The following PAPPA variants were observed in gnomAD, a reference collection of about 807,000 sequenced individuals.
PAPPA encodes pappalysin 1.
In PAPPA, 60 loss-of-function variants were observed where a neutral mutation model predicts 164.0. That is an observed-to-expected ratio of 0.37 (90% CI 0.30 to 0.45). The LOEUF (loss-of-function observed/expected upper bound fraction) is 0.45, where lower values mean the gene tolerates loss of function less well. Ranked by LOEUF, PAPPA falls within the 20% of genes least tolerant of loss-of-function variation. The probability of loss-of-function intolerance (pLI) is 1.00; values close to 1 mark genes in which losing one functional copy is unlikely to be tolerated. For missense variants in PAPPA, 1,782 were observed against 2,087.3 expected, an observed-to-expected ratio of 0.85 and a Z score of 2.85; for synonymous variants, 875 against 814.1, an observed-to-expected ratio of 1.07 and a Z score of -1.27.
intron 7 of PAPPA, among the ~76,000 whole-genome samples, chr9:116,257,024 G>A (rs1844936145): frequency 6.6e-6 from 1 of 151,484 alleles, no homozygotes; most frequent in Non-Finnish European, 1.5e-5. Flanking sequence ...CCACAATGCA[G>A]CACATTAACA....
At chr9:116,193,822 G>A (rs1333269927) in intron 2 of PAPPA, among the ~76,000 whole-genome samples, 2 of 152,138 alleles carry the variant, frequency 1.3e-5, no homozygotes, top group East Asian at 1.9e-4. Context: ...AGGCAAGAGG[G>A]CAGATGACTA....
chr9:116,212,733 G>A (rs577476556), intron 4 of PAPPA, among the ~76,000 whole-genome samples: 1 of 152,246 alleles, frequency 6.6e-6, no homozygotes, highest in South Asian at 2.1e-4. Context: ...AAGAAGTAAA[G>A]AAAGAAAGGG....
chr9:116,154,227 T>G lies in PAPPA; in HGVS notation c.55T>G (p.Cys19Gly), dbSNP rs1843569817. 6.9e-7 allele frequency: 1 copy of G among 1,443,028 alleles called. No homozygotes were observed. The highest frequency in any genetic ancestry group is 9.1e-7 in the Non-Finnish European group (1 of 1,094,752). 89.4% of individuals were successfully genotyped at this position (1,443,028 alleles called of 1,614,324 possible). ...GGGGCTGCTGAGCGCCGCGCTGGGCTGCGGGCTGGCCGAGCGTCCCCGCCG... is the reference window on the plus strand; with the variant it reads ...GGGGCTGCTGAGCGCCGCGCTGGGCGGCGGGCTGGCCGAGCGTCCCCGCCG... ...HLGLLSAALG[C>G]GLAERPRRAR... The change falls in exon 1 of 22, where the codon TGC becomes GGC. Residue 19 changes from cysteine (C) to glycine (G), a missense_variant. This residue lies in a region of PAPPA where 458 missense variants were observed against 430.3 expected (regional missense o/e 1.06). Coordinates refer to ENST00000328252, the MANE Select transcript of PAPPA (RefSeq NM_002581.5). The surrounding 1 kb of genome is among the most constrained non-coding windows in gnomAD (Gnocchi z 5.2).
chr9:116,254,463 G>T (rs1844896991), intron 7 of PAPPA, among the ~76,000 whole-genome samples: 1 of 152,068 alleles, frequency 6.6e-6, no homozygotes, highest in South Asian at 2.1e-4. Flanking sequence ...ACAAAATAAT[G>T]TGTGTATGTG....
chr9:116,179,314 G>A (rs978821094), intron 1 of PAPPA, among the ~76,000 whole-genome samples: 2 of 152,184 alleles, frequency 1.3e-5, no homozygotes, highest in African/African-American at 4.8e-5. Context: ...GTGCCATCAA[G>A]GGTGTTCATT....
intron 2 of PAPPA, among the ~76,000 whole-genome samples, chr9:116,191,740 G>A (rs888612938): frequency 2.6e-5 from 4 of 152,168 alleles, no homozygotes; most frequent in Non-Finnish European, 4.4e-5. Flanking sequence ...CCTGCTGAGA[G>A]GTAAAGATGC....
intron 7 of PAPPA, among the ~76,000 whole-genome samples, chr9:116,257,760 A>G (rs2118794668): frequency 6.6e-6 from 1 of 152,142 alleles, no homozygotes. Flanking sequence ...ATTATTCTTC[A>G]TCTACTGGAA....
chr9:116,296,468 G>T (rs118077048), intron 9 of PAPPA, among the ~76,000 whole-genome samples: 3 of 152,112 alleles, frequency 2.0e-5, no homozygotes, highest in South Asian at 2.1e-4. Flanking sequence ...AAATACTACC[G>T]TGAAGGACTC....
intron 8 of PAPPA, 29 bp downstream of exon 8, chr9:116,266,014 G>A: frequency 6.3e-7 from 1 of 1,581,850 alleles, no homozygotes; most frequent in Non-Finnish European, 8.7e-7. Context: ...AGAAAGAAGA[G>A]GAGGGATGCT....
intron 10 of PAPPA, among the ~76,000 whole-genome samples, chr9:116,304,499 A>G (rs1379657719): frequency 6.6e-6 from 1 of 152,252 alleles, no homozygotes. Context: ...TTTAAAAACA[A>G]CCTTCAAACA....
chr9:116,391,764 A>G (rs1588033499), intron 21 of PAPPA, among the ~76,000 whole-genome samples: 1 of 152,188 alleles, frequency 6.6e-6, no homozygotes, highest in African/African-American at 2.4e-5. Flanking sequence ...CATTTATGGG[A>G]CAGCCTAGCC....
intron 12 of PAPPA, among the ~76,000 whole-genome samples, chr9:116,333,143 A>G (rs536427899): frequency 6.6e-6 from 1 of 152,074 alleles, no homozygotes; most frequent in African/African-American, 2.4e-5. Flanking sequence ...CAGAGGAGAG[A>G]GCCTGAATCC....
intron 10 of PAPPA, among the ~76,000 whole-genome samples, chr9:116,326,596 C>T (rs979763482): frequency 1.4e-5 from 2 of 146,910 alleles, no homozygotes; most frequent in Admixed American, 6.8e-5. Context: ...AAGAGCACAC[C>T]GTGAGATCTA....
chr9:116,353,844 T>C (rs1846317097), intron 17 of PAPPA, 51 bp downstream of exon 17: 2 of 1,470,560 alleles, frequency 1.4e-6, no homozygotes, highest in South Asian at 1.2e-5. Context: ...TCCTTTCTGC[T>C]TACCAAAAAC....
chr9:116,157,299 G>A (rs760837840), intron 1 of PAPPA, among the ~76,000 whole-genome samples: 3 of 152,148 alleles, frequency 2.0e-5, no homozygotes, highest in Non-Finnish European at 4.4e-5. Context: ...ACAGGCGCTC[G>A]GAGAGACAGG....
chr9:116,372,201 G>T (rs1846584435), intron 19 of PAPPA, among the ~76,000 whole-genome samples: 1 of 152,160 alleles, frequency 6.6e-6, no homozygotes, highest in Non-Finnish European at 1.5e-5. Context: ...CAATGCTAGA[G>T]AGAAACTGCA....
At chr9:116,304,081 T>G (rs545829834) in intron 10 of PAPPA, among the ~76,000 whole-genome samples, 1 of 152,320 alleles carries the variant, frequency 6.6e-6, no homozygotes, top group Admixed American at 6.5e-5. Flanking sequence ...CACAGATAGA[T>G]GAATGGCTAG....
intron 1 of PAPPA, among the ~76,000 whole-genome samples, chr9:116,174,463 C>T (rs1226237846): frequency 6.6e-6 from 1 of 152,122 alleles, no homozygotes; most frequent in African/African-American, 2.4e-5. Flanking sequence ...AAATTTACAT[C>T]ATTTGACTTG....
At chr9:116,298,999 G>A (rs1404627654) in intron 9 of PAPPA, among the ~76,000 whole-genome samples, 1 of 152,028 alleles carries the variant, frequency 6.6e-6, no homozygotes, top group East Asian at 1.9e-4. Flanking sequence ...TGTTTTTTGC[G>A]GCCGCACATT....
Sources: allele counts gnomAD v4.1 joint callset (sites outside exome capture counted in the v4.1 genomes callset), GRCh38; gene constraint gnomAD v4.1.1; regional missense constraint gnomAD v4.1.1; non-coding constraint Gnocchi (gnomAD v3.1); transcripts MANE v1.5; gene names NCBI Gene and HGNC (gene_info 2026-07-23, HGNC 2026-07-21).